The following DHRS3 variants were observed in gnomAD, a reference collection of about 807,000 sequenced individuals.
The protein encoded by DHRS3 is dehydrogenase/reductase 3.
In DHRS3, 14 loss-of-function variants were observed where a neutral mutation model predicts 27.2. The ratio of observed to expected loss-of-function variants is 0.52; its 90% CI spans 0.34 to 0.81. The LOEUF (loss-of-function observed/expected upper bound fraction) is 0.81, where lower values mean the gene tolerates loss of function less well. Ranked by LOEUF, DHRS3 falls within the 30% of genes least tolerant of loss-of-function variation. DHRS3 has a pLI of 0.01. For missense variants in DHRS3, 322 were observed against 406.2 expected, an observed-to-expected ratio of 0.79 and a Z score of 1.78; for synonymous variants, 165 against 175.9, an observed-to-expected ratio of 0.94 and a Z score of 0.49.
rs918348606 is a variant in DHRS3, at chr1:12,617,956, G to C, written c.-608C>G. On this transcript the variant is annotated 5_prime_UTR_variant, in exon 1 of 6. Coordinates refer to ENST00000616661, the MANE Select transcript of DHRS3 (RefSeq NM_004753.7). Reference sequence around the variant, plus strand: ...GACTCATTGCTATTCTTGGGCTCAGGAAATTGCTTAAACGCGATCTGATTG... The same window carrying C: ...GACTCATTGCTATTCTTGGGCTCAGCAAATTGCTTAAACGCGATCTGATTG... Among the ~76,000 whole-genome samples, 1 of 150,280 alleles carries C rather than the reference G, an allele frequency of 6.7e-6. No homozygotes were observed. Among genetic ancestry groups the C allele is most frequent in the Admixed American group, 6.7e-5 (1 of 15,036 alleles).
intron 1 of DHRS3, among the ~76,000 whole-genome samples, chr1:12,615,321 A>G (rs1166305293): frequency 2.0e-5 from 3 of 152,090 alleles, no homozygotes; most frequent in African/African-American, 7.2e-5. Flanking sequence ...GCCCCCATGG[A>G]TCCTGTTTTT....
At chr1:12,572,237 G>C (rs918458181) in intron 5 of DHRS3, among the ~76,000 whole-genome samples, 1 of 152,062 alleles carries the variant, frequency 6.6e-6, no homozygotes, top group Admixed American at 6.5e-5. Context: ...GCACGATCTC[G>C]GCTCACTGCA....
At chr1:12,568,678 T>A (rs1646506530) in intron 5 of DHRS3, among the ~76,000 whole-genome samples, 1 of 151,796 alleles carries the variant, frequency 6.6e-6, no homozygotes, top group Non-Finnish European at 1.5e-5. Flanking sequence ...ATAATCCAAG[T>A]ACTTTGGGAG....
chr1:12,600,888 AT>A (rs1449974863), intron 1 of DHRS3, among the ~76,000 whole-genome samples: 2 of 142,156 alleles, frequency 1.4e-5, no homozygotes, highest in Non-Finnish European at 3.0e-5. Flanking sequence ...GTGGCTGAGC[AT>A]TTTGCCTCTT....
intron 5 of DHRS3, among the ~76,000 whole-genome samples, chr1:12,570,700 C>A (rs1482969630): frequency 6.6e-6 from 1 of 152,192 alleles, no homozygotes; most frequent in Non-Finnish European, 1.5e-5. Flanking sequence ...TTCTAAGAAG[C>A]TCCCCTGAGG....
intron 1 of DHRS3, among the ~76,000 whole-genome samples, chr1:12,595,700 T>C (rs1570387219): frequency 8.9e-6 from 1 of 112,762 alleles, no homozygotes; most frequent in South Asian, 2.9e-4. Context: ...AAGGCCGAGG[T>C]GCGGTCAGGG....
intron 1 of DHRS3, among the ~76,000 whole-genome samples, chr1:12,589,142 G>A (rs1212381118): frequency 6.6e-6 from 1 of 152,222 alleles, no homozygotes; most frequent in Non-Finnish European, 1.5e-5. Context: ...AGACATTAAG[G>A]TTAGAATGGG....
rs143724543 is a variant in DHRS3 at position 12,568,343 on chromosome 1, T to C, written c.906A>G (p.Thr302=). 7.4e-6 allele frequency: 12 copies of C among 1,613,490 alleles called. No homozygotes were observed. Among genetic ancestry groups the C allele is most frequent in the Admixed American group, 1.7e-5 (1 of 60,000 alleles). Residue 302 remains threonine, a synonymous_variant, in exon 6 of 6, where the codon ACA becomes ACG. Transcript: ENST00000616661. The part of the protein sequence containing the change: ...YTCMNTFKGR[T] ...CAAGCATGTCTTCATCCTGTCTCTA[T>C]GTCCGCCCTTTGAAAGTGTTCATGC...
chr1:12,604,647 G>C (rs1646857715), intron 1 of DHRS3, among the ~76,000 whole-genome samples: 1 of 152,326 alleles, frequency 6.6e-6, no homozygotes, highest in East Asian at 1.9e-4. Flanking sequence ...GCCAGGCTGA[G>C]ATTATTTGTT....
chr1:12,612,893 T>G (rs1308044892), intron 1 of DHRS3, among the ~76,000 whole-genome samples: 1 of 152,028 alleles, frequency 6.6e-6, no homozygotes, highest in Non-Finnish European at 1.5e-5. Flanking sequence ...ACCCCATCTC[T>G]ACTAAAAATA....
At chr1:12,604,025 G>A (rs1646853592) in intron 1 of DHRS3, among the ~76,000 whole-genome samples, 1 of 152,208 alleles carries the variant, frequency 6.6e-6, no homozygotes. Context: ...CCCAGAGTCT[G>A]GGATAGGCGA....
chr1:12,604,552 C>T (rs1262795568), intron 1 of DHRS3, among the ~76,000 whole-genome samples: 3 of 152,226 alleles, frequency 2.0e-5, no homozygotes, highest in Non-Finnish European at 4.4e-5. Flanking sequence ...TATCACCGCT[C>T]TCTCCAGAAC....
At position 12,592,243 on chromosome 1, in the gene DHRS3, CG is replaced by C. The variant is rs1361364007; in HGVS notation, c.196-11578del. ...CTCGGCTGCCCGGATGTGGTACAGT[CG>C]GCTGATTAGTGTCCCCTGAGAAGCT... is the stretch of plus-strand genomic sequence containing the variant. On this transcript the variant is annotated intron_variant, in intron 1 of 5. Coordinates refer to ENST00000616661, the MANE Select transcript of DHRS3 (RefSeq NM_004753.7). The surrounding 1 kb of genome is among the most constrained non-coding windows in gnomAD (Gnocchi z 4.2). Among the ~76,000 whole-genome samples, 1 of 152,154 alleles carries C rather than the reference CG, an allele frequency of 6.6e-6. No homozygotes were observed. Among genetic ancestry groups the C allele is most frequent in the Non-Finnish European group, 1.5e-5 (1 of 68,030 alleles).
At position 12,568,279 on chromosome 1, in the gene DHRS3, T is replaced by C; in HGVS notation, c.*61A>G. On this transcript the variant is annotated 3_prime_UTR_variant, in exon 6 of 6. Transcript: ENST00000616661. ...ATGCCAATGGACAGGTGCTCGGGTG[T>C]GTGCCCAGGTGCTGTGGCCCCCAAA... The C allele has an allele frequency of 1.4e-6, 2 of 1,462,150 alleles. No individual in the cohort carries two copies. Among genetic ancestry groups the C allele is most frequent in the South Asian group, 2.3e-5 (2 of 87,832 alleles). The allele number at this position is 1,462,150 out of a possible 1,614,324, so 90.6% of individuals were successfully genotyped here.
intron 1 of DHRS3, among the ~76,000 whole-genome samples, chr1:12,584,741 A>ACAG (rs1444837589): frequency 1.1e-4 from 17 of 152,186 alleles, no homozygotes; most frequent in Admixed American, 6.5e-4. Flanking sequence ...GCCTTGGGTG[A>ACAG]GGAGCAGCTT....
At chr1:12,614,702 C>CTTT (rs70987260) in intron 1 of DHRS3, among the ~76,000 whole-genome samples, 4 of 92,664 alleles carry the variant, frequency 4.3e-5, no homozygotes, top group African/African-American at 1.8e-4. Context: ...CTCTGGTACA[C>CTTT]TTTTTTTTTT....
At chr1:12,575,069 G>A (rs1646573133) in intron 4 of DHRS3, among the ~76,000 whole-genome samples, 1 of 152,208 alleles carries the variant, frequency 6.6e-6, no homozygotes, top group African/African-American at 2.4e-5. Context: ...GCTCATGCCT[G>A]TAACCCCAGC....
intron 1 of DHRS3, among the ~76,000 whole-genome samples, chr1:12,585,652 T>G (rs1646691305): frequency 6.6e-6 from 1 of 152,202 alleles, no homozygotes; most frequent in Non-Finnish European, 1.5e-5. Context: ...CCTCCTACCC[T>G]GACCCTTCTG....
Position 12,617,277 on chromosome 1 carries a change from G to C in DHRS3, c.72C>G (p.Ala24=). ...LQMIYLVVKA[A]VGLVLPAKLR... is the part of the protein sequence containing the mutation. ...GCTTGGCGGGCAGCACCAGTCCGAC[G>C]GCTGCTTTCACCACCAGATAGATCA... Residue 24 remains alanine (A), a synonymous_variant, in exon 1 of 6, where the codon GCC becomes GCG. Coordinates refer to ENST00000616661, the MANE Select transcript of DHRS3 (RefSeq NM_004753.7). The C allele has an allele frequency of 1.2e-6, 2 of 1,613,762 alleles. No homozygotes were observed. Among genetic ancestry groups the C allele is most frequent in the Non-Finnish European group, 1.7e-6 (2 of 1,179,978 alleles).
Sources: allele counts gnomAD v4.1 joint callset (sites outside exome capture counted in the v4.1 genomes callset), GRCh38; gene constraint gnomAD v4.1.1; non-coding constraint Gnocchi (gnomAD v3.1); transcripts MANE v1.5; gene names NCBI Gene and HGNC (gene_info 2026-07-23, HGNC 2026-07-21).